DCK: variants seen among roughly 807,000 people sequenced by gnomAD.
The protein encoded by DCK is deoxyadenosine kinase.
A neutral mutation model predicts 38.3 loss-of-function variants in DCK; 23 were observed. The observed-to-expected ratio is 0.60, with a 90% CI of 0.43 to 0.85. The LOEUF (loss-of-function observed/expected upper bound fraction) is 0.85, where lower values mean the gene tolerates loss of function less well. DCK is among the 40% of genes least tolerant of loss of function. DCK has a pLI of 0.00. For missense variants in DCK, 259 were observed against 304.4 expected (o/e 0.85, Z 1.11); for synonymous variants, 108 against 100.6 (o/e 1.07, Z -0.44).
At chr4:71,009,554 A>G (rs1413812114) in intron 2 of DCK, among the ~76,000 whole-genome samples, 1 of 152,218 alleles carries the variant, frequency 6.6e-6, no homozygotes, top group Non-Finnish European at 1.5e-5. Flanking sequence ...TCAGAATGCC[A>G]AACTGGCCAT....
At position 71,025,947 on chromosome 4, in the gene DCK, A is replaced by G. The variant is rs931597725; in HGVS notation, c.665+16A>G. On this transcript the variant is annotated intron_variant, in intron 5 of 6. Transcript: ENST00000286648. ...GGACACTGAAGTAAGACTTATTTTTATTTACTATTCATTTTAAATACCTTT... is the reference window on the plus strand; with the variant it reads ...GGACACTGAAGTAAGACTTATTTTTGTTTACTATTCATTTTAAATACCTTT... 1.3e-6 allele frequency: 2 copies of G among 1,562,794 alleles called. No homozygotes were observed. Among genetic ancestry groups the G allele is most frequent in the East Asian group, 4.6e-5 (2 of 43,870 alleles).
At chr4:71,006,477 T>C (rs532149590) in intron 2 of DCK, 1 of 160,608 alleles carries the variant, frequency 6.2e-6, no homozygotes, top group South Asian at 2.0e-4. Context: ...CTGGAATTTT[T>C]TTTTTTTTAA....
intron 4 of DCK, among the ~76,000 whole-genome samples, chr4:71,024,280 TA>T (rs1740497418): frequency 6.6e-6 from 1 of 152,152 alleles, no homozygotes; most frequent in Admixed American, 6.5e-5. Context: ...CATTTTCCAT[TA>T]AGGGAGCTCA....
intron 2 of DCK, among the ~76,000 whole-genome samples, chr4:70,999,185 G>A (rs542510663): frequency 8.6e-5 from 13 of 151,946 alleles, no homozygotes; most frequent in Admixed American, 4.6e-4. Context: ...CTACCCCACC[G>A]ACAGGCCCTG....
intron 2 of DCK, among the ~76,000 whole-genome samples, chr4:71,014,554 A>G (rs1740202147): frequency 6.6e-6 from 1 of 150,562 alleles, no homozygotes; most frequent in Non-Finnish European, 1.5e-5. Flanking sequence ...AAGAACAGAA[A>G]TTATAAAAAA....
At chr4:71,012,202 G>A (rs565279578) in intron 2 of DCK, among the ~76,000 whole-genome samples, 28 of 152,220 alleles carry the variant, frequency 1.8e-4, no homozygotes, top group African/African-American at 5.8e-4. Context: ...ACTGCAAGGC[G>A]GCAGTGAGGC....
Position 70,993,778 on chromosome 4 carries a change from G to A in DCK, c.-58G>A. 1 of 1,287,072 alleles carries A rather than the reference G, an allele frequency of 7.8e-7. No individual in the cohort carries two copies. The highest frequency in any genetic ancestry group is 1.1e-6 in the Non-Finnish European group (1 of 901,652). The allele number at this position is 1,287,072 out of a possible 1,614,324, so 79.7% of individuals were successfully genotyped here. On this transcript the variant is annotated 5_prime_UTR_variant, in exon 1 of 7. It adds an upstream start codon to the 5' untranslated region. Coordinates refer to ENST00000286648, the MANE Select transcript of DCK (RefSeq NM_000788.3). ...GCCGCGAGCTCCAGTGCGCGCACCC[G>A]TGGCCGCCTCCCAGCCCTCTTTGCC...
At position 71,023,650 on chromosome 4, in the gene DCK, C is replaced by T. The variant is rs1188258933; in HGVS notation, c.493C>T (p.Gln165Ter). ...AGACTGGCATGACTGGATGAATAACCAATTTGGCCAAAGCCTTGAATTGGA... is the reference window on the plus strand; with the variant it reads ...AGACTGGCATGACTGGATGAATAACTAATTTGGCCAAAGCCTTGAATTGGA... ...YQDWHDWMNNQFGQSLELDGI... is the reference protein window; with the variant it reads ...YQDWHDWMNN The change falls in exon 4 of 7, where the codon CAA becomes TAA. Residue 165 changes from glutamine to a stop codon, truncating the protein, a stop_gained. Transcript: ENST00000286648. LOFTEE classifies it high-confidence loss of function. 6.2e-7 allele frequency: 1 copy of T among 1,613,426 alleles called. No homozygotes were observed. Among genetic ancestry groups the T allele is most frequent in the South Asian group, 1.1e-5 (1 of 90,998 alleles).
intron 2 of DCK, chr4:71,006,196 C>A: frequency 6.0e-6 from 1 of 166,150 alleles, no homozygotes; most frequent in Non-Finnish European, 1.2e-5. Context: ...CTGAATTTTA[C>A]CTTTCAAGCC....
chr4:71,012,971 A>G (rs1037687308), intron 2 of DCK, among the ~76,000 whole-genome samples: 1 of 152,226 alleles, frequency 6.6e-6, no homozygotes, highest in Non-Finnish European at 1.5e-5. Flanking sequence ...TCTCCGAGCT[A>G]AAGGAGGAAG....
intron 2 of DCK, among the ~76,000 whole-genome samples, chr4:71,009,473 A>G (rs1348662308): frequency 1.3e-5 from 2 of 152,210 alleles, no homozygotes; most frequent in Admixed American, 1.3e-4. Context: ...TCTTCATTTT[A>G]AGACTTAATG....
In DCK at chr4:71,023,628, C is replaced by T; in HGVS notation, c.471C>T (p.Asp157=). ...MNETEWTIYQ[D]WHDWMNNQFG... ...AGACAGAGTGGACAATTTATCAAGACTGGCATGACTGGATGAATAACCAAT... is the reference window on the plus strand; with the variant it reads ...AGACAGAGTGGACAATTTATCAAGATTGGCATGACTGGATGAATAACCAAT... Residue 157 remains aspartate (D), a synonymous_variant, in exon 4 of 7, where the codon GAC becomes GAT. Transcript: ENST00000286648. 6.2e-7 allele frequency: 1 copy of T among 1,612,562 alleles called. No individual in the cohort carries two copies. The highest frequency in any genetic ancestry group is 1.1e-5 in the South Asian group (1 of 90,926).
Position 71,025,939 on chromosome 4 carries a change from T to A in DCK, c.665+8T>A. On this transcript the variant is annotated splice_region_variant and intron_variant, in intron 5 of 6. Transcript: ENST00000286648. Reference sequence around the variant, plus strand: ...CCTGCATAGGACACTGAAGTAAGACTTATTTTTATTTACTATTCATTTTAA... The same window carrying A: ...CCTGCATAGGACACTGAAGTAAGACATATTTTTATTTACTATTCATTTTAA... The A allele has an allele frequency of 6.4e-7, 1 of 1,564,074 alleles. No homozygotes were observed. The highest frequency in any genetic ancestry group is 8.6e-7 in the Non-Finnish European group (1 of 1,161,932).
At chr4:71,000,799 C>T (rs996041321) in intron 2 of DCK, among the ~76,000 whole-genome samples, 6 of 152,180 alleles carry the variant, frequency 3.9e-5, no homozygotes, top group Non-Finnish European at 8.8e-5. Context: ...AATGGGAATT[C>T]ACTCATGATT....
At chr4:71,026,107 ATTTAC>A (rs1436828001) in intron 5 of DCK, among the ~76,000 whole-genome samples, 176 bp downstream of exon 5, 1 of 152,094 alleles carries the variant, frequency 6.6e-6, no homozygotes, top group African/African-American at 2.4e-5. Flanking sequence ...ATGAGATCCT[ATTTAC>A]TTAAAGTTTT....
chr4:71,026,550 G>A (rs1013040911), intron 5 of DCK, 115 bp from the exon 6 acceptor site: 6 of 669,450 alleles, frequency 9.0e-6, no homozygotes, highest in African/African-American at 1.9e-5. Flanking sequence ...AGTAACTTTA[G>A]TGTAAATGAT....
chr4:71,026,007 A>G lies in DCK; in HGVS notation c.665+76A>G. The G allele has an allele frequency of 1.4e-6, 2 of 1,426,416 alleles. 1 individual carries two copies. Among genetic ancestry groups the G allele is most frequent in the South Asian group, 3.6e-5 (2 of 55,842 alleles). 88.4% of individuals were successfully genotyped at this position (1,426,416 alleles called of 1,614,324 possible). ...GTTAAATTTTAATCTAAAATTTGGA[A>G]GATATGACTAGCAATATGTAAAATT... On this transcript the variant is annotated intron_variant, in intron 5 of 6. Coordinates refer to ENST00000286648, the MANE Select transcript of DCK (RefSeq NM_000788.3).
In DCK at chr4:70,998,824, G is replaced by A. The variant is rs148160841; in HGVS notation, c.207+642G>A. Among the ~76,000 whole-genome samples the A allele has an allele frequency of 6.7e-3, 1,020 of 151,946 alleles. 6 individuals are homozygous for A. The highest frequency in any genetic ancestry group is 8.9e-3 in the Non-Finnish European group (608 of 67,980). On this transcript the variant is annotated intron_variant, in intron 2 of 6. Transcript: ENST00000286648. The stretch of plus-strand genomic sequence containing the variant: ...CTGAATTCCACCTGCTTGTAAAGCC[G>A]AGGTAGGAGAATTTCTTGAACCCAG...
At chr4:71,017,995 G>A (rs1266418071) in intron 2 of DCK, among the ~76,000 whole-genome samples, 2 of 152,198 alleles carry the variant, frequency 1.3e-5, no homozygotes, top group Non-Finnish European at 2.9e-5. Context: ...ATTTTTAACA[G>A]CAGCCTAATT....
Sources: gnomAD v4.1 joint callset for allele counts (sites outside exome capture counted in the v4.1 genomes callset) on GRCh38, gnomAD v4.1.1 for gene constraint, MANE v1.5 for transcripts, NCBI Gene and HGNC (gene_info 2026-07-23, HGNC 2026-07-21) for gene names.